Variants in ABHD17C observed in about 807,000 individuals in gnomAD.
ABHD17C encodes the protein alpha/beta hydrolase domain-containing protein 17C.
In ABHD17C, 11 loss-of-function variants were observed where a neutral mutation model predicts 27.9. The ratio of observed to expected loss-of-function variants is 0.39; its 90% confidence interval spans 0.25 to 0.65. The LOEUF is 0.65. ABHD17C is among the 30% of genes least tolerant of loss of function. The probability of loss-of-function intolerance (pLI) is 0.45; values close to 1 mark genes in which losing one functional copy is unlikely to be tolerated. For synonymous variants in ABHD17C, 233 were observed against 209.1 expected (o/e 1.11, Z -0.98); for missense variants, 280 against 470.2 (o/e 0.60, Z 3.74).
chr15:80,695,360 C>T lies in ABHD17C; in HGVS notation c.-70C>T, dbSNP rs1894475135. The T allele has an allele frequency of 1.3e-5, 14 of 1,044,206 alleles. No individual in the cohort carries two copies. The highest frequency in any genetic ancestry group is 1.7e-5 in the Non-Finnish European group (14 of 843,258). 64.7% of individuals were successfully genotyped at this position (1,044,206 alleles called of 1,614,324 possible). The stretch of plus-strand genomic sequence containing the variant: ...CCTGCCAGCTCCCTCGCCGCGCGTC[C>T]GTCCTCCGTCCTCCCGGGCCAGCCA... On this transcript the variant is annotated 5_prime_UTR_variant, in exon 1 of 3. Transcript: ENST00000258884. The surrounding 1 kb of genome is among the most constrained non-coding windows in gnomAD (Gnocchi z 4.3).
intron 1 of ABHD17C, among the ~76,000 whole-genome samples, chr15:80,744,262 A>C (rs1297692919): frequency 2.0e-5 from 3 of 152,136 alleles, no homozygotes; most frequent in African/African-American, 7.2e-5. Context: ...CAGGGAGTTT[A>C]CATGAAAAAT....
intron 1 of ABHD17C, among the ~76,000 whole-genome samples, chr15:80,721,508 G>C (rs1894897079): frequency 6.6e-6 from 1 of 152,120 alleles, no homozygotes; most frequent in Non-Finnish European, 1.5e-5. Flanking sequence ...ATATCCAACT[G>C]CTAGAGGTAT....
intron 1 of ABHD17C, among the ~76,000 whole-genome samples, chr15:80,726,625 G>T (rs1291683335): frequency 7.0e-6 from 1 of 143,676 alleles, no homozygotes; most frequent in African/African-American, 2.6e-5. Flanking sequence ...CCATTCTCCT[G>T]CCTCAGCCTC....
Position 80,718,327 on chromosome 15 carries a change from T to A in ABHD17C, c.590+22308T>A, listed in dbSNP as rs530703258. ...TCTTCTTGTAATTTTATTTTATTTT[T>A]AAATTTTATTTATTTATTTTTTTGA... On this transcript the variant is annotated intron_variant, in intron 1 of 2. Transcript: ENST00000258884. Among the ~76,000 whole-genome samples, 12 of 152,168 alleles carry A rather than the reference T, an allele frequency of 7.9e-5. No individual in the cohort carries two copies. The East Asian group carries it at 2.1e-3, about 27-fold the overall frequency.
intron 1 of ABHD17C, among the ~76,000 whole-genome samples, chr15:80,743,942 G>A (rs894460994): frequency 1.3e-5 from 2 of 152,176 alleles, no homozygotes; most frequent in East Asian, 1.9e-4. Flanking sequence ...TTCCAGACTG[G>A]TAGGGTTTAA....
intron 1 of ABHD17C, among the ~76,000 whole-genome samples, chr15:80,729,776 T>C (rs1233499404): frequency 6.6e-6 from 1 of 152,190 alleles, no homozygotes; most frequent in Non-Finnish European, 1.5e-5. Flanking sequence ...GGTGGAATTT[T>C]AGAGAGACAG....
chr15:80,730,855 G>A (rs1035010945), intron 1 of ABHD17C, among the ~76,000 whole-genome samples: 10 of 152,166 alleles, frequency 6.6e-5, no homozygotes, highest in African/African-American at 9.7e-5. Flanking sequence ...AGGATGGCAC[G>A]TGGCTAGCTG....
chr15:80,713,709 T>G (rs1040660304), intron 1 of ABHD17C, among the ~76,000 whole-genome samples: 1 of 151,918 alleles, frequency 6.6e-6, no homozygotes, highest in East Asian at 1.9e-4. Flanking sequence ...CTCGGGAGGC[T>G]GAGGCACGAG....
intron 1 of ABHD17C, among the ~76,000 whole-genome samples, chr15:80,743,863 G>T (rs148703838): frequency 1.4e-4 from 22 of 152,284 alleles, no homozygotes; most frequent in African/African-American, 4.8e-4. Context: ...GTGAGCCACC[G>T]TGCCTGGCTA....
At chr15:80,717,497 G>A (rs760597431) in intron 1 of ABHD17C, among the ~76,000 whole-genome samples, 8 of 151,612 alleles carry the variant, frequency 5.3e-5, no homozygotes, top group Non-Finnish European at 7.4e-5. Context: ...AGTTTCAAGC[G>A]ATTCTCATGC....
intron 1 of ABHD17C, among the ~76,000 whole-genome samples, chr15:80,720,922 A>G (rs966205458): frequency 8.4e-6 from 1 of 118,668 alleles, no homozygotes; most frequent in Admixed American, 8.0e-5. Context: ...CTCTGTCTCA[A>G]AAAAAAAAAA....
rs1400331440 is a variant in ABHD17C at position 80,701,580 on chromosome 15, G to A, written c.590+5561G>A. On this transcript the variant is annotated intron_variant, in intron 1 of 2. Coordinates refer to ENST00000258884, the MANE Select transcript of ABHD17C (RefSeq NM_021214.2). The stretch of plus-strand genomic sequence containing the variant: ...TATAATCCCACCTACTCAAGAGGCC[G>A]AGGCATGAGAATGGCTTGAACCCGG... Among the ~76,000 whole-genome samples, 3 of 151,524 alleles carry A rather than the reference G, an allele frequency of 2.0e-5. No individual in the cohort carries two copies. In the East Asian group the frequency reaches 5.8e-4, roughly 29 times the overall value.
Position 80,747,847 on chromosome 15 carries a change from C to T in ABHD17C, c.591-1666C>T, listed in dbSNP as rs375103556. Among the ~76,000 whole-genome samples the T allele has an allele frequency of 6.0e-4, 91 of 152,254 alleles. 1 individual carries two copies. The highest frequency in any genetic ancestry group is 2.0e-3 in the African/African-American group (83 of 41,536). ...TGCATGATTCTTAATAGTCCCCTGC[C>T]GGATCTCCCAGCTTCCTTTTCATGC... On this transcript the variant is annotated intron_variant, in intron 1 of 2. Coordinates refer to ENST00000258884, the MANE Select transcript of ABHD17C (RefSeq NM_021214.2).
chr15:80,732,466 A>G (rs962125749), intron 1 of ABHD17C, among the ~76,000 whole-genome samples: 3 of 152,224 alleles, frequency 2.0e-5, no homozygotes, highest in South Asian at 4.1e-4. Context: ...TCTATGAAAT[A>G]AAGTGGACCA....
chr15:80,711,796 A>C (rs1894731944), intron 1 of ABHD17C, among the ~76,000 whole-genome samples: 1 of 152,102 alleles, frequency 6.6e-6, no homozygotes, highest in South Asian at 2.1e-4. Context: ...TTTTCCTCTT[A>C]TTTACATTTG....
chr15:80,703,060 A>G (rs2141489989), intron 1 of ABHD17C: 1 of 152,342 alleles, frequency 6.6e-6, no homozygotes, highest in South Asian at 2.1e-4. Context: ...GAAATGCAAG[A>G]TCGAGGCACT....
chr15:80,710,452 G>C (rs772108465), intron 1 of ABHD17C, among the ~76,000 whole-genome samples: 6 of 152,204 alleles, frequency 3.9e-5, no homozygotes, highest in Non-Finnish European at 8.8e-5. Flanking sequence ...GGATCACTCT[G>C]TGTTAATGAC....
intron 1 of ABHD17C, among the ~76,000 whole-genome samples, chr15:80,730,403 T>G (rs1304470484): frequency 1.3e-5 from 2 of 152,180 alleles, no homozygotes; most frequent in Non-Finnish European, 2.9e-5. Context: ...TCCACCAGGC[T>G]CCTTAGTGTG....
chr15:80,754,436 A>G lies in ABHD17C; in HGVS notation c.*66A>G. 7.2e-7 allele frequency: 1 copy of G among 1,379,822 alleles called. No individual in the cohort carries two copies. The highest frequency in any genetic ancestry group is 1.0e-6 in the Non-Finnish European group (1 of 1,004,348). 85.5% of individuals were successfully genotyped at this position (1,379,822 alleles called of 1,614,324 possible). ...GAGTCCTCTGTTTTGCACATGCTTT[A>G]ACTGGGTAGCTGTAAAGGCTTGATA... On this transcript the variant is annotated 3_prime_UTR_variant, in exon 3 of 3. Transcript: ENST00000258884.
Sources: allele counts gnomAD v4.1 joint callset (sites outside exome capture counted in the v4.1 genomes callset), GRCh38; gene constraint gnomAD v4.1.1; non-coding constraint Gnocchi (gnomAD v3.1); transcripts MANE v1.5; gene names NCBI Gene and HGNC (gene_info 2026-07-23, HGNC 2026-07-21).